Variants in ATP6V0A1 observed in about 807,000 individuals in gnomAD.
The protein encoded by ATP6V0A1 is V-type proton ATPase 116 kDa subunit a 1.
ATP6V0A1 carries 43 observed loss-of-function variants against 105.4 expected under a neutral mutation model. The observed-to-expected ratio is 0.41, with a 90% CI of 0.32 to 0.53. The LOEUF (loss-of-function observed/expected upper bound fraction) is 0.53, where lower values mean the gene tolerates loss of function less well. Among genes scored for constraint, ATP6V0A1 ranks in the 20% least tolerant of loss-of-function variants. ATP6V0A1 has a pLI of 0.30. For missense variants in ATP6V0A1, 676 were observed against 1,051.1 expected (o/e 0.64, Z 4.93); for synonymous variants, 362 against 372.8 (o/e 0.97, Z 0.33).
intron 17 of ATP6V0A1, 100 bp downstream of exon 17, chr17:42,501,404 A>G (rs1203926154): frequency 1.1e-6 from 1 of 923,886 alleles, no homozygotes; most frequent in Non-Finnish European, 1.6e-6. Flanking sequence ...AAATCTATAT[A>G]TTCTTTTTCT....
intron 17 of ATP6V0A1, among the ~76,000 whole-genome samples, chr17:42,503,128 C>A (rs1375217345): frequency 6.6e-6 from 1 of 152,140 alleles, no homozygotes; most frequent in Non-Finnish European, 1.5e-5. Context: ...GCTTGTTGTA[C>A]CCTCACTGAG....
intron 18 of ATP6V0A1, among the ~76,000 whole-genome samples, 198 bp downstream of exon 18, chr17:42,507,825 G>A (rs2092121070): frequency 6.6e-6 from 1 of 152,194 alleles, no homozygotes; most frequent in Admixed American, 6.5e-5. Flanking sequence ...TGCCCCCAGA[G>A]CCCGCAGCAG....
chr17:42,494,970 T>A, intron 12 of ATP6V0A1, 64 bp from the exon 13 acceptor site: 1 of 1,536,260 alleles, frequency 6.5e-7, no homozygotes. Context: ...ATATTCTGAA[T>A]AACATTGTCA....
chr17:42,476,159 A>G (rs750944901), intron 5 of ATP6V0A1, among the ~76,000 whole-genome samples: 1 of 152,228 alleles, frequency 6.6e-6, no homozygotes, highest in Non-Finnish European at 1.5e-5. Flanking sequence ...CTCAACTTAC[A>G]TGTAACAGCC....
intron 14 of ATP6V0A1, among the ~76,000 whole-genome samples, chr17:42,496,982 T>C (rs562663215): frequency 6.6e-6 from 1 of 151,994 alleles, no homozygotes; most frequent in Admixed American, 6.6e-5. Context: ...ACCTGTAGTT[T>C]AGAGACTCAA....
chr17:42,504,867 T>C (rs924615883), intron 17 of ATP6V0A1, among the ~76,000 whole-genome samples: 1 of 152,206 alleles, frequency 6.6e-6, no homozygotes, highest in African/African-American at 2.4e-5. Flanking sequence ...GGGCCTTGCC[T>C]CTGACAGATA....
At chr17:42,509,487 G>A (rs942203680) in intron 19 of ATP6V0A1, among the ~76,000 whole-genome samples, 1 of 152,188 alleles carries the variant, frequency 6.6e-6, no homozygotes, top group Non-Finnish European at 1.5e-5. Context: ...GAAAGCCTTT[G>A]CTGTTCTGTG....
In ATP6V0A1 at chr17:42,481,712, A is replaced by G. The variant is rs111529527; in HGVS notation, c.716+963A>G. On this transcript the variant is annotated intron_variant, in intron 8 of 21. Transcript: ENST00000343619. Reference sequence around the variant, plus strand: ...CTAAAAACTGAAAAAAAAGGACCATAATTTCCTTAACTTGGGGAAAAATAA... The same window carrying G: ...CTAAAAACTGAAAAAAAAGGACCATGATTTCCTTAACTTGGGGAAAAATAA... 5.8e-3 allele frequency among the ~76,000 whole-genome samples: 877 copies of G among 152,266 alleles called. 2 individuals carry two copies. The highest frequency in any genetic ancestry group is 9.9e-3 in the Non-Finnish European group (675 of 68,004).
intron 3 of ATP6V0A1, among the ~76,000 whole-genome samples, chr17:42,466,747 T>G (rs956504729): frequency 7.2e-5 from 11 of 152,346 alleles, no homozygotes; most frequent in African/African-American, 2.6e-4. Flanking sequence ...GGTTGTTTTT[T>G]TGTGAGATTT....
Position 42,490,653 on chromosome 17 carries a change from T to C in ATP6V0A1, c.1174+16T>C, listed in dbSNP as rs758167785. On this transcript the variant is annotated intron_variant, in intron 11 of 21. Transcript: ENST00000343619. Reference sequence around the variant, plus strand: ...ATAAATCCAGGTAAAAAAAAGCTTGTTATCTTTTTCCTCTAGAGTTTTTTT... The same window carrying C: ...ATAAATCCAGGTAAAAAAAAGCTTGCTATCTTTTTCCTCTAGAGTTTTTTT... The C allele has an allele frequency of 2.1e-5, 33 of 1,575,868 alleles. No homozygotes were observed. In the South Asian group the frequency reaches 3.7e-4, roughly 17 times the overall value.
chr17:42,516,471 G>C (rs2092631451), intron 21 of ATP6V0A1, among the ~76,000 whole-genome samples: 1 of 152,050 alleles, frequency 6.6e-6, no homozygotes, highest in Admixed American at 6.6e-5. Context: ...CTTATCAGCC[G>C]ACCCCCGCAA....
intron 17 of ATP6V0A1, among the ~76,000 whole-genome samples, chr17:42,503,611 T>C (rs1327577927): frequency 2.6e-5 from 4 of 152,264 alleles, no homozygotes; most frequent in Admixed American, 1.3e-4. Context: ...TTCTAAGTTA[T>C]GAATGAATCT....
chr17:42,477,930 A>G (rs866837175), intron 6 of ATP6V0A1, among the ~76,000 whole-genome samples, 188 bp downstream of exon 6: 1 of 152,154 alleles, frequency 6.6e-6, no homozygotes, highest in Non-Finnish European at 1.5e-5. Context: ...CCATAAGTGA[A>G]GCTGGGAATA....
At chr17:42,479,638 G>A (rs2089236874) in intron 7 of ATP6V0A1, among the ~76,000 whole-genome samples, 1 of 152,204 alleles carries the variant, frequency 6.6e-6, no homozygotes, top group Non-Finnish European at 1.5e-5. Context: ...ATTGAATTGT[G>A]AGATTTCTCA....
At chr17:42,491,864 G>T (rs904132138) in intron 11 of ATP6V0A1, among the ~76,000 whole-genome samples, 6 of 151,908 alleles carry the variant, frequency 3.9e-5, no homozygotes, top group Admixed American at 6.6e-5. Flanking sequence ...TGATCCACCC[G>T]CCTTGGCCTC....
At chr17:42,463,235 G>A (rs1289622686) in intron 2 of ATP6V0A1, among the ~76,000 whole-genome samples, 1 of 149,230 alleles carries the variant, frequency 6.7e-6, no homozygotes, top group Admixed American at 6.7e-5. Flanking sequence ...TCGAACTCCT[G>A]ACCTCAGGTG....
intron 7 of ATP6V0A1, 79 bp downstream of exon 7, chr17:42,478,668 G>C: frequency 7.2e-7 from 1 of 1,387,474 alleles, no homozygotes; most frequent in East Asian, 2.8e-5. Flanking sequence ...GGGGCCACCT[G>C]AATCCAGTGC....
chr17:42,503,622 A>G (rs1194095451), intron 17 of ATP6V0A1, among the ~76,000 whole-genome samples: 3 of 152,278 alleles, frequency 2.0e-5, no homozygotes, highest in Non-Finnish European at 4.4e-5. Flanking sequence ...GAATGAATCT[A>G]TAAGATTGTA....
chr17:42,467,183 A>C (rs1344427709), intron 3 of ATP6V0A1, among the ~76,000 whole-genome samples: 1 of 151,860 alleles, frequency 6.6e-6, no homozygotes, highest in Non-Finnish European at 1.5e-5. Context: ...CATTTATCTA[A>C]GTTCTCTTGA....
Sources: gnomAD v4.1 joint callset for allele counts (sites outside exome capture counted in the v4.1 genomes callset) on GRCh38, gnomAD v4.1.1 for gene constraint, MANE v1.5 for transcripts, NCBI Gene and HGNC (gene_info 2026-07-23, HGNC 2026-07-21) for gene names.